The following HNMT variants were observed in gnomAD, a reference collection of about 807,000 sequenced individuals.
HNMT encodes the protein histamine N-methyltransferase.
Under a neutral mutation model 32.1 loss-of-function variants are expected in HNMT, and 30 were observed. The ratio of observed to expected loss-of-function variants is 0.93; its 90% CI spans 0.70 to 1.27. The LOEUF (loss-of-function observed/expected upper bound fraction) is 1.27, where lower values mean the gene tolerates loss of function less well. Among genes scored for constraint, HNMT ranks in the 50% most tolerant of loss-of-function variants. The pLI is 0.00. For missense variants in HNMT, 327 were observed against 346.0 expected (o/e 0.95, Z 0.43); for synonymous variants, 125 against 119.0 (o/e 1.05, Z -0.33).
In HNMT at chr2:137,985,288, A is replaced by T. The variant is rs183419868; in HGVS notation, c.190+15071A>T. Among the ~76,000 whole-genome samples, 58 of 152,258 alleles carry T rather than the reference A, an allele frequency of 3.8e-4. 1 individual carries two copies. The highest frequency in any genetic ancestry group is 1.3e-3 in the African/African-American group (54 of 41,558). Reference sequence around the variant, plus strand: ...TTGGGATCTCAAATAGCAGAAATGTATGTCCATCAACAATGCAAGTGGAAG... The same window carrying T: ...TTGGGATCTCAAATAGCAGAAATGTTTGTCCATCAACAATGCAAGTGGAAG... On this transcript the variant is annotated intron_variant, in intron 2 of 5. Coordinates refer to ENST00000280097, the MANE Select transcript of HNMT (RefSeq NM_006895.3).
At chr2:137,997,969 G>T (rs1209398072) in intron 2 of HNMT, among the ~76,000 whole-genome samples, 1 of 152,118 alleles carries the variant, frequency 6.6e-6, no homozygotes, top group African/African-American at 2.4e-5. Flanking sequence ...GTTGAACGAT[G>T]AGAGCACATG....
At chr2:137,970,919 CAA>C (rs1179144967) in intron 2 of HNMT, among the ~76,000 whole-genome samples, 1 of 18,348 alleles carries the variant, frequency 5.5e-5, no homozygotes, top group African/African-American at 2.2e-4. Context: ...GACTACGTCT[CAA>C]AAAAAAAAAA....
At chr2:137,992,124 G>A (rs1397487435) in intron 2 of HNMT, among the ~76,000 whole-genome samples, 1 of 152,180 alleles carries the variant, frequency 6.6e-6, no homozygotes, top group East Asian at 1.9e-4. Flanking sequence ...CACCACCAGG[G>A]ACTAGCGTCC....
At chr2:138,003,182 T>A (rs1201525912) in intron 4 of HNMT, among the ~76,000 whole-genome samples, 1 of 150,906 alleles carries the variant, frequency 6.6e-6, no homozygotes, top group African/African-American at 2.4e-5. Flanking sequence ...CATGTATACA[T>A]ATGTAACTAA....
At chr2:137,988,610 C>G (rs1422586722) in intron 2 of HNMT, 1 of 152,134 alleles carries the variant, frequency 6.6e-6, no homozygotes, top group Non-Finnish European at 1.5e-5. Flanking sequence ...CGTGGTTACT[C>G]ACGCCTGTAA....
Position 137,970,227 on chromosome 2 carries a change from A to C in HNMT, c.190+10A>C. 1 of 1,471,318 alleles carries C rather than the reference A, an allele frequency of 6.8e-7. No homozygotes were observed. Among genetic ancestry groups the C allele is most frequent in the African/African-American group, 1.4e-5 (1 of 71,326 alleles). The allele number at this position is 1,471,318 out of a possible 1,614,324, so 91.1% of individuals were successfully genotyped here. A position where few individuals can be genotyped will look rare whatever the true frequency, so the allele number is the denominator to read the frequency against. ...ATAGGCGGAGGTGCAGGTATGAGTA[A>C]TATATTTTTAAAGTTCATATTTCAC... On this transcript the variant is annotated intron_variant, in intron 2 of 5. Coordinates refer to ENST00000280097, the MANE Select transcript of HNMT (RefSeq NM_006895.3).
chr2:137,966,697 C>T (rs1452297354), intron 1 of HNMT, among the ~76,000 whole-genome samples: 2 of 152,150 alleles, frequency 1.3e-5, no homozygotes, highest in Non-Finnish European at 2.9e-5. Flanking sequence ...AATCTCCTCT[C>T]AATATATGCA....
At chr2:137,992,092 G>C (rs953486226) in intron 2 of HNMT, among the ~76,000 whole-genome samples, 2 of 152,184 alleles carry the variant, frequency 1.3e-5, no homozygotes, top group Admixed American at 6.5e-5. Flanking sequence ...CCACAGATTG[G>C]AAGATCCCAC....
chr2:138,006,090 A>G (rs1276810208), intron 5 of HNMT, among the ~76,000 whole-genome samples: 1 of 151,986 alleles, frequency 6.6e-6, no homozygotes, highest in African/African-American at 2.4e-5. Flanking sequence ...AAGTTTGGCA[A>G]TAGAGAGCTC....
chr2:137,979,288 T>A (rs1425907084), intron 2 of HNMT, among the ~76,000 whole-genome samples: 1 of 151,330 alleles, frequency 6.6e-6, no homozygotes, highest in Non-Finnish European at 1.5e-5. Flanking sequence ...TTATTTATTT[T>A]GAGACGGAGT....
At chr2:137,981,833 T>C (rs1391783385) in intron 2 of HNMT, among the ~76,000 whole-genome samples, 1 of 152,150 alleles carries the variant, frequency 6.6e-6, no homozygotes. Flanking sequence ...TTCTTTTGTC[T>C]CTCTACAGGC....
intron 2 of HNMT, among the ~76,000 whole-genome samples, chr2:137,974,526 A>T (rs1314282317): frequency 1.3e-5 from 2 of 152,168 alleles, no homozygotes; most frequent in Non-Finnish European, 2.9e-5. Context: ...TACAGTGCAT[A>T]TATTTATACC....
chr2:137,996,683 T>C (rs1251776384), intron 2 of HNMT, among the ~76,000 whole-genome samples: 6 of 152,184 alleles, frequency 3.9e-5, no homozygotes, highest in Non-Finnish European at 8.8e-5. Flanking sequence ...TTAAATTTCA[T>C]ATGTAATCAA....
chr2:137,992,678 G>A (rs548581422), intron 2 of HNMT, among the ~76,000 whole-genome samples: 5 of 152,256 alleles, frequency 3.3e-5, no homozygotes, highest in South Asian at 2.1e-4. Context: ...TGGGTTCCCC[G>A]CAAGTGAGGC....
At chr2:138,008,601 G>T (rs1271813652) in intron 5 of HNMT, among the ~76,000 whole-genome samples, 1 of 151,942 alleles carries the variant, frequency 6.6e-6, no homozygotes, top group Non-Finnish European at 1.5e-5. Context: ...AAACAGAATA[G>T]AGAGACCAGA....
At chr2:137,978,697 A>G (rs1418978951) in intron 2 of HNMT, among the ~76,000 whole-genome samples, 1 of 140,670 alleles carries the variant, frequency 7.1e-6, no homozygotes, top group Non-Finnish European at 1.5e-5. Context: ...AATACATATG[A>G]TTAGATAATA....
intron 2 of HNMT, among the ~76,000 whole-genome samples, chr2:137,996,549 A>C (rs1681001320): frequency 2.6e-5 from 4 of 152,224 alleles, no homozygotes. Flanking sequence ...AAAACATTCC[A>C]TCCTCATGGA....
rs1440788507 is a variant in HNMT at position 138,016,015 on chromosome 2, C to G, written c.*1885C>G. 1 of 152,058 alleles carries G rather than the reference C, an allele frequency of 6.6e-6. No homozygotes were observed. The highest frequency in any genetic ancestry group is 2.4e-5 in the African/African-American group (1 of 41,414). 9.4% of individuals were successfully genotyped at this position (152,058 alleles called of 1,614,324 possible). A position where few individuals can be genotyped will look rare whatever the true frequency, so the allele number is the denominator to read the frequency against. On this transcript the variant is annotated 3_prime_UTR_variant, in exon 6 of 6. Transcript: ENST00000280097. The stretch of plus-strand genomic sequence containing the variant: ...GAAATTCCCATGAAAACCTACTAGT[C>G]AGCAATGGGAAGTTGTATAAATTCA...
intron 2 of HNMT, among the ~76,000 whole-genome samples, chr2:137,995,009 C>G (rs1436816016): frequency 3.9e-5 from 6 of 152,042 alleles, no homozygotes; most frequent in African/African-American, 1.4e-4. Context: ...TGGGACACAA[C>G]TAAAGCAGTG....
Sources: allele counts gnomAD v4.1 joint callset (sites outside exome capture counted in the v4.1 genomes callset), GRCh38; gene constraint gnomAD v4.1.1; transcripts MANE v1.5; gene names NCBI Gene and HGNC (gene_info 2026-07-23, HGNC 2026-07-21).